The following RAPGEF5 variants were observed in gnomAD, a reference collection of about 807,000 sequenced individuals.
RAPGEF5 encodes the protein Rap guanine nucleotide exchange factor 5.
A neutral mutation model predicts 125.2 loss-of-function variants in RAPGEF5; 65 were observed. That is an observed-to-expected ratio of 0.52 (90% confidence interval 0.43 to 0.64). The LOEUF (loss-of-function observed/expected upper bound fraction) is 0.64. Ranked by LOEUF, RAPGEF5 falls within the 30% of genes least tolerant of loss-of-function variation. RAPGEF5 has a pLI of 0.00. For synonymous variants in RAPGEF5, 391 were observed against 385.9 expected, an observed-to-expected ratio of 1.01 and a Z score of -0.16; for missense variants, 958 against 1,048.1, an observed-to-expected ratio of 0.91 and a Z score of 1.19.
chr7:22,135,570 A>T (rs1783054974), intron 23 of RAPGEF5, among the ~76,000 whole-genome samples: 1 of 151,634 alleles, frequency 6.6e-6, no homozygotes, highest in Non-Finnish European at 1.5e-5. Flanking sequence ...TTCTCCATCA[A>T]CACTTTTCGA....
intron 23 of RAPGEF5, among the ~76,000 whole-genome samples, chr7:22,132,406 G>A (rs960895719): frequency 6.7e-6 from 1 of 148,510 alleles, no homozygotes; most frequent in Non-Finnish European, 1.5e-5. Context: ...GTAAACTGAT[G>A]TCCTAGTAGG....
intron 5 of RAPGEF5, among the ~76,000 whole-genome samples, chr7:22,305,613 T>C (rs919022017): frequency 6.6e-6 from 1 of 152,222 alleles, no homozygotes; most frequent in Non-Finnish European, 1.5e-5. Context: ...ATTATTGGTA[T>C]AGTTACCCTG....
chr7:22,316,483 ATATATATTTTTTTT>A (rs1319001106), intron 2 of RAPGEF5, among the ~76,000 whole-genome samples: 3 of 30,448 alleles, frequency 9.9e-5, no homozygotes, highest in East Asian at 1.3e-3. Flanking sequence ...ATATATATAT[ATATATATTTTTTTT>A]TTTTTTTTTT....
At chr7:22,196,510 T>C (rs1328166761) in intron 9 of RAPGEF5, among the ~76,000 whole-genome samples, 2 of 152,220 alleles carry the variant, frequency 1.3e-5, no homozygotes, top group Non-Finnish European at 2.9e-5. Flanking sequence ...AAGGCACTGT[T>C]CTGGACACCA....
chr7:22,276,831 T>C (rs956413336), intron 6 of RAPGEF5, among the ~76,000 whole-genome samples: 1 of 152,212 alleles, frequency 6.6e-6, no homozygotes, highest in Non-Finnish European at 1.5e-5. Flanking sequence ...TCGGGACTGA[T>C]TGATCCGACA....
intron 1 of RAPGEF5, among the ~76,000 whole-genome samples, chr7:22,334,131 C>T (rs1200581509): frequency 1.3e-5 from 2 of 151,880 alleles, no homozygotes; most frequent in Non-Finnish European, 2.9e-5. Context: ...CCACCCACAC[C>T]CCACGGACCT....
At chr7:22,328,092 T>A (rs1170010980) in intron 1 of RAPGEF5, among the ~76,000 whole-genome samples, 8 of 152,222 alleles carry the variant, frequency 5.3e-5, no homozygotes, top group Non-Finnish European at 8.8e-5. Flanking sequence ...CAGGATTATA[T>A]ACTTTTCACC....
chr7:22,287,868 C>G (rs1636893), intron 6 of RAPGEF5, among the ~76,000 whole-genome samples: 70,285 of 152,048 alleles, frequency 0.46, 17,311 homozygotes, highest in East Asian at 0.69. Context: ...TCTAGTCCAA[C>G]CACTCATCTT....
chr7:22,316,986 A>AC (rs1002906247), intron 2 of RAPGEF5, among the ~76,000 whole-genome samples: 1 of 151,938 alleles, frequency 6.6e-6, no homozygotes, highest in African/African-American at 2.4e-5. Flanking sequence ...TAAAAAAAAA[A>AC]AAAAAACAAA....
chr7:22,239,683 G>A (rs1786276443), intron 7 of RAPGEF5, among the ~76,000 whole-genome samples: 1 of 151,868 alleles, frequency 6.6e-6, no homozygotes, highest in Non-Finnish European at 1.5e-5. Context: ...CTTCTTAATA[G>A]GTTTTTACAG....
Position 22,252,914 on chromosome 7 carries a change from A to G in RAPGEF5, c.796+14050T>C, listed in dbSNP as rs569825170. Among the ~76,000 whole-genome samples, 5 of 152,320 alleles carry G rather than the reference A, an allele frequency of 3.3e-5. No individual in the cohort carries two copies. The East Asian group carries it at 9.6e-4, about 29-fold the overall frequency. On this transcript the variant is annotated intron_variant, in intron 7 of 25. Coordinates refer to ENST00000665637, the MANE Select transcript of RAPGEF5 (RefSeq NM_012294.5). ...GCTTTAACTTTACAATGCATTAAGA[A>G]TTACTGTTTTAAGATTCTTATGATG...
intron 6 of RAPGEF5, among the ~76,000 whole-genome samples, chr7:22,272,417 A>C (rs887616320): frequency 6.8e-6 from 1 of 147,240 alleles, no homozygotes; most frequent in African/African-American, 2.5e-5. Flanking sequence ...AGGACAGAGC[A>C]ATATTAGCAA....
At chr7:22,142,687 C>A (rs1783303111) in intron 20 of RAPGEF5, among the ~76,000 whole-genome samples, 1 of 152,216 alleles carries the variant, frequency 6.6e-6, no homozygotes, top group African/African-American at 2.4e-5. Context: ...ACGATAAGAA[C>A]AGACTGTCTG....
At chr7:22,316,934 T>A (rs1783613040) in intron 2 of RAPGEF5, among the ~76,000 whole-genome samples, 1 of 148,396 alleles carries the variant, frequency 6.7e-6, no homozygotes, top group African/African-American at 2.5e-5. Context: ...GATAAGGAAG[T>A]AGGAAGGGAA....
intron 9 of RAPGEF5, among the ~76,000 whole-genome samples, chr7:22,215,097 T>A (rs930602715): frequency 2.0e-5 from 3 of 152,080 alleles, no homozygotes; most frequent in African/African-American, 7.2e-5. Flanking sequence ...TCGTTCCTCA[T>A]TATTTCTAGA....
At position 22,197,545 on chromosome 7, in the gene RAPGEF5, A is replaced by T. The variant is rs78661728; in HGVS notation, c.997-3512T>A. Among the ~76,000 whole-genome samples the T allele has an allele frequency of 7.9e-3, 1,197 of 152,264 alleles. 20 individuals are homozygous for T. The highest frequency in any genetic ancestry group is 0.028 in the African/African-American group (1,154 of 41,534). On this transcript the variant is annotated intron_variant, in intron 9 of 25. Coordinates refer to ENST00000665637, the MANE Select transcript of RAPGEF5 (RefSeq NM_012294.5). The stretch of plus-strand genomic sequence containing the variant: ...TTGGCCTAACTCTTATTTATCCCAC[A>T]AAGTTCACTTCAAGAATCACCTCCT...
At chr7:22,308,843 AT>A (rs1434824406) in intron 4 of RAPGEF5, among the ~76,000 whole-genome samples, 9 of 152,212 alleles carry the variant, frequency 5.9e-5, no homozygotes, top group Non-Finnish European at 8.8e-5. Flanking sequence ...TATTTAATTA[AT>A]TTAGTAATAC....
intron 23 of RAPGEF5, among the ~76,000 whole-genome samples, chr7:22,133,162 A>T (rs1317655832): frequency 2.0e-5 from 3 of 151,970 alleles, no homozygotes. Context: ...CTCTCAGTAG[A>T]GTGTGTGGCG....
At chr7:22,232,086 T>C (rs1410263767) in intron 7 of RAPGEF5, among the ~76,000 whole-genome samples, 2 of 152,194 alleles carry the variant, frequency 1.3e-5, no homozygotes, top group East Asian at 1.9e-4. Flanking sequence ...TGGAGCTATA[T>C]TTTTTTAGAC....
Sources: allele counts gnomAD v4.1 joint callset (sites outside exome capture counted in the v4.1 genomes callset), GRCh38; gene constraint gnomAD v4.1.1; transcripts MANE v1.5; gene names NCBI Gene and HGNC (gene_info 2026-07-23, HGNC 2026-07-21).